HSD17B12: variants seen among roughly 807,000 people sequenced by gnomAD.
HSD17B12 encodes very-long-chain 3-oxoacyl-CoA reductase.
HSD17B12 carries 32 observed loss-of-function variants against 39.3 expected under a neutral mutation model. That is an observed-to-expected ratio of 0.81 (90% confidence interval 0.61 to 1.09). The LOEUF (loss-of-function observed/expected upper bound fraction) is 1.09. HSD17B12 is among the 50% of genes least tolerant of loss of function. HSD17B12 has a pLI of 0.00. For missense variants in HSD17B12, 342 were observed against 382.9 expected (o/e 0.89, Z 0.89); for synonymous variants, 150 against 146.7 (o/e 1.02, Z -0.16).
At chr11:43,851,887 G>C (rs961927707) in intron 9 of HSD17B12, among the ~76,000 whole-genome samples, 1 of 152,084 alleles carries the variant, frequency 6.6e-6, no homozygotes, top group African/African-American at 2.4e-5. Flanking sequence ...GAACCATCCT[G>C]AGCTATGCAG....
chr11:43,690,403 TA>T (rs57073541), intron 1 of HSD17B12, among the ~76,000 whole-genome samples: 108 of 48,650 alleles, frequency 2.2e-3, no homozygotes, highest in Non-Finnish European at 2.9e-3. Context: ...TATATATATA[TA>T]TTTTTTTTTT....
chr11:43,767,204 T>TA (rs398045163), intron 3 of HSD17B12, among the ~76,000 whole-genome samples: 49,657 of 146,128 alleles, frequency 0.34, 9,284 homozygotes, highest in East Asian at 0.64. Flanking sequence ...GACTTTTGTG[T>TA]AAAAAAAAAA....
At chr11:43,677,297 A>T (rs912348389), upstream of HSD17B12, among the ~76,000 whole-genome samples, 7 of 152,198 alleles carry the variant, frequency 4.6e-5, no homozygotes, top group Non-Finnish European at 8.8e-5. Context: ...TGCTTTACAA[A>T]AAACACTCAA....
At chr11:43,647,141 A>AT in the HSD17B12 span, among the ~76,000 whole-genome samples, 1 of 151,800 alleles carries the variant, frequency 6.6e-6, no homozygotes, top group African/African-American at 2.4e-5. Flanking sequence ...GACCAAAAAA[A>AT]TTTTCACTTT....
At chr11:43,813,726 C>T (rs1951094322) in intron 4 of HSD17B12, among the ~76,000 whole-genome samples, 2 of 152,108 alleles carry the variant, frequency 1.3e-5, no homozygotes, top group South Asian at 4.1e-4. Context: ...CTTGGGATGC[C>T]TGGTGGGTGG....
chr11:43,708,535 C>A (rs991869376), intron 1 of HSD17B12, among the ~76,000 whole-genome samples: 1 of 152,128 alleles, frequency 6.6e-6, no homozygotes, highest in Non-Finnish European at 1.5e-5. Context: ...AAGAATAACC[C>A]CATTTTTGCT....
the HSD17B12 span, among the ~76,000 whole-genome samples, chr11:43,557,469 T>C: frequency 2.6e-5 from 4 of 152,344 alleles, no homozygotes; most frequent in East Asian, 7.7e-4. Flanking sequence ...ATGTCTTGCA[T>C]AGAGAACTTA....
At chr11:43,690,391 TATA>T (rs1226196271) in intron 1 of HSD17B12, among the ~76,000 whole-genome samples, 1,766 of 24,768 alleles carry the variant, frequency 0.071, 435 homozygotes, top group Non-Finnish European at 0.1. Flanking sequence ...TATATATATA[TATA>T]TATATATATA....
chr11:43,834,855 C>A (rs938393149), intron 7 of HSD17B12, among the ~76,000 whole-genome samples: 2 of 151,908 alleles, frequency 1.3e-5, no homozygotes, highest in African/African-American at 2.4e-5. Flanking sequence ...AAGGTACTTT[C>A]CTGTCAGCAA....
At chr11:43,715,403 T>C (rs1272618837) in intron 1 of HSD17B12, among the ~76,000 whole-genome samples, 1 of 152,184 alleles carries the variant, frequency 6.6e-6, no homozygotes, top group Non-Finnish European at 1.5e-5. Flanking sequence ...TTGTCTTTGG[T>C]TCTGTTTATA....
the HSD17B12 span, among the ~76,000 whole-genome samples, chr11:43,561,699 A>C: frequency 1.3e-5 from 2 of 151,888 alleles, no homozygotes; most frequent in African/African-American, 4.8e-5. Flanking sequence ...TTTTTTGAGA[A>C]ATATTTAGCT....
At chr11:43,596,770 G>A in the HSD17B12 span, among the ~76,000 whole-genome samples, 17 of 152,156 alleles carry the variant, frequency 1.1e-4, no homozygotes, top group South Asian at 2.1e-4. Flanking sequence ...TATGAAAGAC[G>A]AAATATCTGT....
chr11:43,825,149 G>C (rs1951222007), intron 6 of HSD17B12, among the ~76,000 whole-genome samples: 1 of 151,780 alleles, frequency 6.6e-6, no homozygotes, highest in Non-Finnish European at 1.5e-5. Flanking sequence ...AAAAAATTTG[G>C]AGTGGAGGGA....
chr11:43,566,622 C>A, the HSD17B12 span, among the ~76,000 whole-genome samples: 10 of 152,150 alleles, frequency 6.6e-5, no homozygotes, highest in South Asian at 2.1e-3. Context: ...CTCCTCCTCC[C>A]GGGTTCAAGC....
the HSD17B12 span, among the ~76,000 whole-genome samples, chr11:43,578,345 A>C: frequency 7.2e-5 from 11 of 152,104 alleles, no homozygotes; most frequent in African/African-American, 2.7e-4. Context: ...ACCCCGATAC[A>C]GGGTAACAGG....
the HSD17B12 span, among the ~76,000 whole-genome samples, chr11:43,665,707 T>C: frequency 2.2e-3 from 332 of 152,252 alleles, no homozygotes; most frequent in Non-Finnish European, 3.7e-3. Context: ...TGAGGGCTCA[T>C]TCTGAAAAAG....
At chr11:43,837,274 T>TA (rs1050697999) in intron 7 of HSD17B12, among the ~76,000 whole-genome samples, 8 of 151,984 alleles carry the variant, frequency 5.3e-5, no homozygotes, top group African/African-American at 1.7e-4. Flanking sequence ...TTTTTTAAGC[T>TA]AAAAAAATAG....
the HSD17B12 span, among the ~76,000 whole-genome samples, chr11:43,563,833 A>G: frequency 6.6e-6 from 1 of 152,196 alleles, no homozygotes; most frequent in Non-Finnish European, 1.5e-5. Context: ...AATAAGATCC[A>G]GAGAGTTTTA....
At chr11:43,798,764 G>A (rs879720038) in intron 4 of HSD17B12, among the ~76,000 whole-genome samples, 7 of 151,994 alleles carry the variant, frequency 4.6e-5, no homozygotes, top group Admixed American at 6.6e-5. Context: ...TAGTATTTGC[G>A]TATAGCTTAT....
Sources: gnomAD v4.1 joint callset for allele counts (sites outside exome capture counted in the v4.1 genomes callset) on GRCh38, gnomAD v4.1.1 for gene constraint, MANE v1.5 for transcripts, NCBI Gene and HGNC (gene_info 2026-07-23, HGNC 2026-07-21) for gene names.